CA10: variants seen among roughly 807,000 people sequenced by gnomAD.
CA10 encodes carbonic anhydrase 10 (inactive).
Under a neutral mutation model 44.2 loss-of-function variants are expected in CA10, and 14 were observed. The ratio of observed to expected loss-of-function variants is 0.32; its 90% CI spans 0.21 to 0.50. The LOEUF is 0.50. Among genes scored for constraint, CA10 ranks in the 20% least tolerant of loss-of-function variants. The pLI, the probability that CA10 is intolerant of heterozygous loss-of-function variation, is 0.99. For synonymous variants in CA10, 159 were observed against 141.6 expected (o/e 1.12, Z -0.87); for missense variants, 350 against 409.7 (o/e 0.85, Z 1.26).
intron 4 of CA10, among the ~76,000 whole-genome samples, chr17:51,696,756 G>T (rs1915416701): frequency 6.6e-6 from 1 of 152,070 alleles, no homozygotes; most frequent in Non-Finnish European, 1.5e-5. Flanking sequence ...AACTTTTGCT[G>T]TATCCCACAG....
intron 3 of CA10, among the ~76,000 whole-genome samples, chr17:51,902,713 T>C (rs1981371783): frequency 6.6e-6 from 1 of 152,196 alleles, no homozygotes; most frequent in South Asian, 2.1e-4. Context: ...TGCTGTAAAT[T>C]CAGTTTACTA....
intron 3 of CA10, among the ~76,000 whole-genome samples, chr17:51,875,213 A>G (rs540807007): frequency 7.2e-5 from 11 of 152,218 alleles, no homozygotes; most frequent in African/African-American, 2.4e-4. Context: ...ATACTCTTAT[A>G]CTGCCCAAGT....
intron 4 of CA10, among the ~76,000 whole-genome samples, chr17:51,741,037 T>A (rs1457880868): frequency 6.6e-6 from 1 of 152,244 alleles, no homozygotes; most frequent in African/African-American, 2.4e-5. Flanking sequence ...ACCTTACAGG[T>A]AGACATTTTT....
intron 4 of CA10, among the ~76,000 whole-genome samples, chr17:51,731,542 G>GT (rs1916719600): frequency 6.9e-6 from 1 of 144,458 alleles, no homozygotes; most frequent in Admixed American, 7.4e-5. Context: ...GGGAGTCCTT[G>GT]TTTTAACTAT....
At chr17:51,864,860 G>C (rs1979474523) in intron 3 of CA10, among the ~76,000 whole-genome samples, 1 of 152,180 alleles carries the variant, frequency 6.6e-6, no homozygotes, top group African/African-American at 2.4e-5. Context: ...AATGCAAACT[G>C]ATATTTCAGG....
rs117089878 is a variant in CA10 at position 51,947,885 on chromosome 17, G to C, written c.137-16753C>G. 8.6e-3 allele frequency among the ~76,000 whole-genome samples: 1,302 copies of C among 152,158 alleles called. 8 individuals are homozygous for C. The highest frequency in any genetic ancestry group is 0.013 in the Non-Finnish European group (893 of 67,990). On this transcript the variant is annotated intron_variant, in intron 2 of 8. Transcript: ENST00000451037. ...CAGTTGTGAGGTTCCCCTCTTAGGAGAATATGAAACATGCCTATCCTAGAG... is the reference window on the plus strand; with the variant it reads ...CAGTTGTGAGGTTCCCCTCTTAGGACAATATGAAACATGCCTATCCTAGAG...
At chr17:51,951,342 G>T (rs1010239664) in intron 2 of CA10, among the ~76,000 whole-genome samples, 1 of 152,068 alleles carries the variant, frequency 6.6e-6, no homozygotes, top group Non-Finnish European at 1.5e-5. Context: ...CATAAAAACT[G>T]CCCAAGGAAG....
In CA10 at chr17:51,630,870, T is replaced by G. The variant is rs919022799; in HGVS notation, c.*714A>C. On this transcript the variant is annotated 3_prime_UTR_variant, in exon 9 of 9. Coordinates refer to ENST00000451037, the MANE Select transcript of CA10 (RefSeq NM_020178.5). ...AACAGCAAATGGATCATTTCTGATC[T>G]TGGCAAATCCTACTACAGATATGTG... 6.5e-6 allele frequency: 1 copy of G among 152,700 alleles called. No homozygotes were observed. Among genetic ancestry groups the G allele is most frequent in the South Asian group, 2.1e-4 (1 of 4,834 alleles). The allele number at this position is 152,700 out of a possible 1,614,324, so 9.5% of individuals were successfully genotyped here. A position where few individuals can be genotyped will look rare whatever the true frequency, so the allele number is the denominator to read the frequency against.
chr17:51,942,057 G>A (rs1983097903), intron 2 of CA10, among the ~76,000 whole-genome samples: 6 of 152,110 alleles, frequency 3.9e-5, no homozygotes, highest in Admixed American at 3.9e-4. Flanking sequence ...TGTATATGGA[G>A]ATCAGTTGAA....
intron 3 of CA10, among the ~76,000 whole-genome samples, chr17:51,804,202 A>G (rs901932598): frequency 2.6e-5 from 4 of 152,248 alleles, no homozygotes; most frequent in Non-Finnish European, 4.4e-5. Context: ...TGTCAAGCCT[A>G]TTAAAAAATA....
chr17:51,850,555 A>C (rs1277519204), intron 3 of CA10, among the ~76,000 whole-genome samples: 1 of 152,260 alleles, frequency 6.6e-6, no homozygotes, highest in East Asian at 1.9e-4. Flanking sequence ...CTCTCACTTC[A>C]GCCTCCCCAT....
intron 3 of CA10, among the ~76,000 whole-genome samples, chr17:51,814,144 C>A (rs1907478455): frequency 6.6e-6 from 1 of 152,166 alleles, no homozygotes; most frequent in South Asian, 2.1e-4. Context: ...TCAGTTACTT[C>A]AATTGTCACA....
At position 51,636,163 on chromosome 17, in the gene CA10, C is replaced by T. The variant is rs561918168; in HGVS notation, c.635-154G>A. On this transcript the variant is annotated intron_variant, in intron 6 of 8. Transcript: ENST00000451037. ...ATTTCTTTTGGAATTCCAGAAGACT[C>T]TATCTGTCAGAACAGGCTGCAGTAA... Among the ~76,000 whole-genome samples, 14 of 152,252 alleles carry T rather than the reference C, an allele frequency of 9.2e-5. No homozygotes were observed. In the South Asian group the frequency reaches 1.9e-3, roughly 20 times the overall value.
chr17:51,922,937 C>T (rs1038240118), intron 3 of CA10, among the ~76,000 whole-genome samples: 2 of 152,022 alleles, frequency 1.3e-5, no homozygotes, highest in African/African-American at 2.4e-5. Context: ...ATAACCAGAC[C>T]CCTATCACTT....
At chr17:51,658,478 G>C (rs1156351841) in intron 4 of CA10, among the ~76,000 whole-genome samples, 1 of 152,156 alleles carries the variant, frequency 6.6e-6, no homozygotes, top group Non-Finnish European at 1.5e-5. Flanking sequence ...AAAGTCTTTG[G>C]GTAGGCTAAC....
chr17:51,785,044 T>C (rs926492677), intron 3 of CA10, among the ~76,000 whole-genome samples: 4 of 152,366 alleles, frequency 2.6e-5, no homozygotes, highest in African/African-American at 9.6e-5. Flanking sequence ...TTTCCATGCC[T>C]GGCTTATTTC....
intron 2 of CA10, among the ~76,000 whole-genome samples, chr17:51,935,062 G>A (rs1196536125): frequency 6.6e-6 from 1 of 152,086 alleles, no homozygotes; most frequent in Non-Finnish European, 1.5e-5. Context: ...AACTTGCCCT[G>A]TGGGTTTGTG....
At chr17:51,673,511 C>T (rs1433063017) in intron 4 of CA10, among the ~76,000 whole-genome samples, 1 of 152,160 alleles carries the variant, frequency 6.6e-6, no homozygotes, top group Non-Finnish European at 1.5e-5. Flanking sequence ...ACTCTTTTGT[C>T]TTCCTTATTC....
At chr17:52,148,582 A>G (rs1989638251) in intron 1 of CA10, among the ~76,000 whole-genome samples, 1 of 152,230 alleles carries the variant, frequency 6.6e-6, no homozygotes, top group South Asian at 2.1e-4. Flanking sequence ...GCAAGACAAC[A>G]GCTGGTAGAG....
Sources: gnomAD v4.1 joint callset for allele counts (sites outside exome capture counted in the v4.1 genomes callset) on GRCh38, gnomAD v4.1.1 for gene constraint, MANE v1.5 for transcripts, NCBI Gene and HGNC (gene_info 2026-07-23, HGNC 2026-07-21) for gene names.